Variants in CSMD1 observed in about 807,000 individuals in gnomAD.
The protein encoded by CSMD1 is CUB and sushi domain-containing protein 1.
In CSMD1, 213 loss-of-function variants were observed where a neutral mutation model predicts 417.5. That is an observed-to-expected ratio of 0.51 (90% CI 0.46 to 0.57). The LOEUF (loss-of-function observed/expected upper bound fraction) is 0.57. CSMD1 is among the 20% of genes least tolerant of loss of function. The probability of loss-of-function intolerance (pLI) is 0.00; values close to 1 mark genes in which losing one functional copy is unlikely to be tolerated. For synonymous variants in CSMD1, 2,862 were observed against 1,736.8 expected, an observed-to-expected ratio of 1.65 and a Z score of -16.11; for missense variants, 6,923 against 4,529.7, an observed-to-expected ratio of 1.53 and a Z score of -15.17.
chr8:3,840,786 C>T (rs1293518133), intron 5 of CSMD1, among the ~76,000 whole-genome samples: 1 of 150,006 alleles, frequency 6.7e-6, no homozygotes, highest in African/African-American at 2.5e-5. Flanking sequence ...ACGTCCGCCT[C>T]CTGGGTTCAA....
chr8:4,120,629 G>T (rs1159784810), intron 3 of CSMD1, among the ~76,000 whole-genome samples: 1 of 152,222 alleles, frequency 6.6e-6, no homozygotes, highest in African/African-American at 2.4e-5. Context: ...CTGTGTACCT[G>T]CCACTGGCCT....
intron 3 of CSMD1, among the ~76,000 whole-genome samples, chr8:4,345,223 C>T (rs184327597): frequency 8.5e-5 from 13 of 152,248 alleles, no homozygotes; most frequent in Admixed American, 3.9e-4. Context: ...ATATTAGCAG[C>T]TATTGCGGTT....
chr8:3,498,919 A>G (rs765064707), intron 10 of CSMD1, among the ~76,000 whole-genome samples: 47 of 149,624 alleles, frequency 3.1e-4, no homozygotes, highest in Non-Finnish European at 5.3e-4. Context: ...TGAATTGTCT[A>G]TTTTTATTCT....
chr8:3,445,803 A>G (rs753916631), intron 12 of CSMD1, among the ~76,000 whole-genome samples: 11 of 152,332 alleles, frequency 7.2e-5, no homozygotes, highest in South Asian at 6.2e-4. Flanking sequence ...AAGACAAAAC[A>G]TAACACCCAA....
intron 50 of CSMD1, among the ~76,000 whole-genome samples, chr8:3,051,449 G>A (rs981978496): frequency 2.6e-5 from 4 of 152,168 alleles, no homozygotes; most frequent in African/African-American, 9.7e-5. Flanking sequence ...ATGGGAGGGT[G>A]GAGGGTGGGA....
At chr8:3,718,436 C>T (rs918818113) in intron 6 of CSMD1, among the ~76,000 whole-genome samples, 10 of 152,184 alleles carry the variant, frequency 6.6e-5, no homozygotes, top group Admixed American at 6.5e-4. Flanking sequence ...GAAAATCATC[C>T]TCTGAAAGCC....
At chr8:3,236,165 G>A (rs1309833407) in intron 26 of CSMD1, among the ~76,000 whole-genome samples, 1 of 151,936 alleles carries the variant, frequency 6.6e-6, no homozygotes, top group East Asian at 1.9e-4. Flanking sequence ...TGATCTGCCT[G>A]CCTCGGACTC....
Position 3,509,826 on chromosome 8 carries a change from G to C in CSMD1, c.1345-16100C>G, listed in dbSNP as rs552970440. 1.2e-4 allele frequency among the ~76,000 whole-genome samples: 19 copies of C among 152,264 alleles called. No homozygotes were observed. In the South Asian group the frequency reaches 1.5e-3, roughly 12 times the overall value. On this transcript the variant is annotated intron_variant, in intron 10 of 69. Coordinates refer to ENST00000635120, the MANE Select transcript of CSMD1 (RefSeq NM_033225.6). ...TGTCAGCCCACCAGCCAGGTGTGAG[G>C]CTAGCTGTTCAGGAAGCAATTATCA...
chr8:4,461,211 A>C (rs959193296), intron 2 of CSMD1, among the ~76,000 whole-genome samples: 5 of 152,052 alleles, frequency 3.3e-5, no homozygotes, highest in Admixed American at 6.5e-5. Flanking sequence ...AAAAACAATT[A>C]ACTAGCAATG....
chr8:3,662,209 G>C (rs1798456873), intron 7 of CSMD1, among the ~76,000 whole-genome samples: 1 of 152,226 alleles, frequency 6.6e-6, no homozygotes, highest in African/African-American at 2.4e-5. Context: ...TGAATTAACA[G>C]TGGGTTTAGG....
At chr8:4,516,970 G>C (rs1220104628) in intron 2 of CSMD1, among the ~76,000 whole-genome samples, 3 of 152,050 alleles carry the variant, frequency 2.0e-5, no homozygotes, top group Non-Finnish European at 4.4e-5. Context: ...CACTATGAAA[G>C]ATGAAAACGC....
At chr8:4,219,564 A>T (rs1008828739) in intron 3 of CSMD1, among the ~76,000 whole-genome samples, 2 of 152,196 alleles carry the variant, frequency 1.3e-5, no homozygotes, top group Admixed American at 1.3e-4. Context: ...TTAAAAAAAA[A>T]ACTTAAAAAT....
At chr8:4,226,550 G>C (rs1426557017) in intron 3 of CSMD1, among the ~76,000 whole-genome samples, 1 of 152,090 alleles carries the variant, frequency 6.6e-6, no homozygotes, top group Non-Finnish European at 1.5e-5. Context: ...AAAAATCATG[G>C]ATACCATAAG....
intron 4 of CSMD1, among the ~76,000 whole-genome samples, chr8:3,998,653 A>G (rs1328348157): frequency 6.6e-6 from 1 of 152,174 alleles, no homozygotes; most frequent in Non-Finnish European, 1.5e-5. Flanking sequence ...TCTGAGTAGA[A>G]AACAGTTACA....
At chr8:3,677,665 C>T (rs1443970213) in intron 7 of CSMD1, among the ~76,000 whole-genome samples, 1 of 152,160 alleles carries the variant, frequency 6.6e-6, no homozygotes, top group Non-Finnish European at 1.5e-5. Context: ...AGATATCTAT[C>T]CTTTAGGGCT....
At chr8:3,322,523 T>C (rs1218740447) in intron 23 of CSMD1, among the ~76,000 whole-genome samples, 1 of 152,222 alleles carries the variant, frequency 6.6e-6, no homozygotes, top group African/African-American at 2.4e-5. Context: ...AGAGAGCTAA[T>C]CCATGCACAT....
intron 2 of CSMD1, among the ~76,000 whole-genome samples, chr8:4,477,031 C>G (rs1201731559): frequency 2.0e-5 from 3 of 152,196 alleles, no homozygotes; most frequent in Admixed American, 6.5e-5. Context: ...GGATTTCCCT[C>G]CCGCAGGGCT....
intron 68 of CSMD1, among the ~76,000 whole-genome samples, chr8:2,945,296 T>C (rs1029583530): frequency 2.3e-4 from 35 of 152,248 alleles, no homozygotes; most frequent in African/African-American, 8.2e-4. Context: ...ATTTTGCTTA[T>C]GTGGCTTTTA....
intron 5 of CSMD1, among the ~76,000 whole-genome samples, chr8:3,876,203 G>A (rs991473703): frequency 3.3e-5 from 5 of 152,236 alleles, no homozygotes; most frequent in Non-Finnish European, 7.4e-5. Flanking sequence ...GAGGGGAGGG[G>A]AAAACTCCTC....
Sources: allele counts gnomAD v4.1 joint callset (sites outside exome capture counted in the v4.1 genomes callset), GRCh38; gene constraint gnomAD v4.1.1; transcripts MANE v1.5; gene names NCBI Gene and HGNC (gene_info 2026-07-23, HGNC 2026-07-21).